The following MTCL3 variants were observed in gnomAD, a reference collection of about 807,000 sequenced individuals.
MTCL3 encodes the protein MTCL family member 3, also known as microtubule cross-linking factor 3.
chr6:127,475,635 G>A, the MTCL3 span: 11 of 1,597,558 alleles, frequency 6.9e-6, no homozygotes, highest in African/African-American at 1.3e-4. This position sits in a 1 kb window ranked among gnomAD's most constrained non-coding sequence, Gnocchi z 7.3. Flanking sequence ...CCGGGTAGAA[G>A]GAGCGAGTGG....
the MTCL3 span, chr6:127,515,776 G>A: frequency 6.2e-7 from 1 of 1,606,364 alleles, no homozygotes; most frequent in Non-Finnish European, 8.5e-7. This position sits in a 1 kb window ranked among gnomAD's most constrained non-coding sequence, Gnocchi z 4.3. Context: ...GCCGTTCTTA[G>A]CGTGCATCTG....
the MTCL3 span, chr6:127,473,490 A>C: frequency 1.1e-6 from 1 of 892,616 alleles, no homozygotes; most frequent in Non-Finnish European, 1.6e-6. Flanking sequence ...TTCAACTTAA[A>C]AAAGAACCTC....
the MTCL3 span, chr6:127,516,438 G>A: frequency 6.2e-7 from 1 of 1,600,124 alleles, no homozygotes; most frequent in Non-Finnish European, 8.5e-7. Flanking sequence ...CCCCCACTGG[G>A]GACCGGGTGG....
chr6:127,506,912 A>C, the MTCL3 span, among the ~76,000 whole-genome samples: 1 of 152,158 alleles, frequency 6.6e-6, no homozygotes, highest in Non-Finnish European at 1.5e-5. Flanking sequence ...TGGATACAGA[A>C]GTCAGTGAAG....
the MTCL3 span, among the ~76,000 whole-genome samples, chr6:127,510,627 G>A: frequency 6.6e-6 from 1 of 152,070 alleles, no homozygotes; most frequent in African/African-American, 2.4e-5. Context: ...AAATTACAAG[G>A]CATTTCTTTT....
the MTCL3 span, among the ~76,000 whole-genome samples, chr6:127,482,070 G>C: frequency 6.6e-6 from 1 of 152,254 alleles, no homozygotes; most frequent in South Asian, 2.1e-4. This position sits in a 1 kb window ranked among gnomAD's most constrained non-coding sequence, Gnocchi z 4.1. Flanking sequence ...CCCTTGTTTA[G>C]CATATCAAGA....
the MTCL3 span, among the ~76,000 whole-genome samples, chr6:127,501,610 T>C: frequency 7.2e-5 from 11 of 152,322 alleles, no homozygotes; most frequent in South Asian, 2.1e-3. Flanking sequence ...GCTACACAAA[T>C]TTAAATAACT....
chr6:127,515,961 T>C, the MTCL3 span: 1 of 1,604,066 alleles, frequency 6.2e-7, no homozygotes, highest in Non-Finnish European at 8.5e-7. This position sits in a 1 kb window ranked among gnomAD's most constrained non-coding sequence, Gnocchi z 4.3. Flanking sequence ...AAGAGGAGGA[T>C]GGAGAAGGGG....
chr6:127,515,739 C>T, the MTCL3 span: 13 of 1,597,806 alleles, frequency 8.1e-6, no homozygotes, highest in African/African-American at 1.3e-4. The surrounding 1 kb of genome is among the most constrained non-coding windows in gnomAD (Gnocchi z 4.3). Flanking sequence ...GGCCAGACAC[C>T]GGGGAGCTGC....
chr6:127,500,765 C>T, the MTCL3 span, among the ~76,000 whole-genome samples: 1 of 152,112 alleles, frequency 6.6e-6, no homozygotes, highest in African/African-American at 2.4e-5. Context: ...TATAATCTCA[C>T]ATTAAATTAA....
At chr6:127,498,781 C>T in the MTCL3 span, among the ~76,000 whole-genome samples, 2 of 151,852 alleles carry the variant, frequency 1.3e-5, no homozygotes, top group African/African-American at 4.8e-5. Context: ...AGGGATGAAC[C>T]TCAAAAACAC....
At chr6:127,493,925 G>T in the MTCL3 span, among the ~76,000 whole-genome samples, 1 of 152,162 alleles carries the variant, frequency 6.6e-6, no homozygotes, top group East Asian at 1.9e-4. Flanking sequence ...TGACGACAGA[G>T]TTATGTGAAT....
chr6:127,489,203 T>C, the MTCL3 span, among the ~76,000 whole-genome samples: 3 of 152,208 alleles, frequency 2.0e-5, no homozygotes, highest in East Asian at 1.9e-4. Flanking sequence ...ACTCTTTCAA[T>C]TGTTTTGGGG....
At chr6:127,507,434 T>G in the MTCL3 span, among the ~76,000 whole-genome samples, 2 of 152,188 alleles carry the variant, frequency 1.3e-5, no homozygotes, top group Non-Finnish European at 2.9e-5. Flanking sequence ...TTCTGATCTG[T>G]GTACTACTTT....
chr6:127,475,887 G>A, the MTCL3 span: 5 of 1,613,502 alleles, frequency 3.1e-6, no homozygotes, highest in East Asian at 4.5e-5. This position sits in a 1 kb window ranked among gnomAD's most constrained non-coding sequence, Gnocchi z 7.3. Flanking sequence ...CGCTGAGCTC[G>A]TTGATCTGCA....
chr6:127,482,513 T>C, the MTCL3 span, among the ~76,000 whole-genome samples: 1 of 152,208 alleles, frequency 6.6e-6, no homozygotes, highest in Non-Finnish European at 1.5e-5. This position sits in a 1 kb window ranked among gnomAD's most constrained non-coding sequence, Gnocchi z 4.1. Context: ...TCTAAAGATA[T>C]AATGAGCCTT....
chr6:127,481,294 ATATT>A, the MTCL3 span: 1 of 985,164 alleles, frequency 1.0e-6, no homozygotes, highest in Non-Finnish European at 1.2e-6. Flanking sequence ...TCACAACAAA[ATATT>A]TAGAGTGAGT....
chr6:127,480,004 G>C, the MTCL3 span, among the ~76,000 whole-genome samples: 1 of 152,162 alleles, frequency 6.6e-6, no homozygotes, highest in Non-Finnish European at 1.5e-5. Context: ...AGGTAGGCAA[G>C]AAAAATTAAA....
chr6:127,519,312 T>C, the MTCL3 span: 2 of 152,224 alleles, frequency 1.3e-5, no homozygotes, highest in African/African-American at 2.4e-5. Flanking sequence ...TAACATCTCC[T>C]GATGCAGCTG....
Sources: allele counts gnomAD v4.1 joint callset (sites outside exome capture counted in the v4.1 genomes callset), GRCh38; gene constraint gnomAD v4.1.1; non-coding constraint Gnocchi (gnomAD v3.1); transcripts MANE v1.5; gene names NCBI Gene and HGNC (gene_info 2026-07-23, HGNC 2026-07-21).